Variants in ZC3H4 observed in about 807,000 individuals in gnomAD.
ZC3H4 encodes the protein zinc finger CCCH domain-containing protein 4.
In ZC3H4, 13 loss-of-function variants were observed where a neutral mutation model predicts 108.3. The ratio of observed to expected loss-of-function variants is 0.12; its 90% CI spans 0.08 to 0.19. ZC3H4 has a LOEUF of 0.19. ZC3H4 is among the 10% of genes least tolerant of loss of function. ZC3H4 has a pLI of 1.00. For synonymous variants in ZC3H4, 917 were observed against 749.6 expected, an observed-to-expected ratio of 1.22 and a Z score of -3.65; for missense variants, 1,734 against 1,838.8, an observed-to-expected ratio of 0.94 and a Z score of 1.04.
intron 8 of ZC3H4, among the ~76,000 whole-genome samples, chr19:47,084,823 A>C (rs542435558): frequency 1.3e-5 from 2 of 152,208 alleles, no homozygotes; most frequent in Non-Finnish European, 2.9e-5. Flanking sequence ...GAGATGTGTT[A>C]GGTATGGCTG....
intron 11 of ZC3H4, among the ~76,000 whole-genome samples, chr19:47,076,849 C>T (rs575228045): frequency 2.0e-5 from 3 of 152,016 alleles, no homozygotes; most frequent in East Asian, 1.9e-4. Flanking sequence ...AAAAATTAGC[C>T]GGGCGTGGTG....
chr19:47,070,442 C>A (rs190125607), intron 13 of ZC3H4, among the ~76,000 whole-genome samples: 69 of 152,276 alleles, frequency 4.5e-4, no homozygotes, highest in African/African-American at 1.6e-3. Flanking sequence ...AATGACCATA[C>A]ATGTTAGAGG....
intron 2 of ZC3H4, 101 bp downstream of exon 2, chr19:47,112,323 C>T: frequency 8.5e-7 from 1 of 1,173,568 alleles, no homozygotes; most frequent in Non-Finnish European, 1.1e-6. Context: ...CCTCCTCCTC[C>T]TCCTCCTCCG....
At chr19:47,090,839 C>T (rs1217983700) in intron 4 of ZC3H4, among the ~76,000 whole-genome samples, 1 of 152,154 alleles carries the variant, frequency 6.6e-6, no homozygotes, top group Non-Finnish European at 1.5e-5. Flanking sequence ...CTCATCAATT[C>T]TAACAAAGTT....
chr19:47,112,214 G>C (rs959098098), intron 2 of ZC3H4: 4 of 1,159,376 alleles, frequency 3.5e-6, no homozygotes, highest in South Asian at 4.3e-5. Flanking sequence ...AGCGCCGCGA[G>C]GGGGGGGAAA....
At chr19:47,088,909 T>C (rs1311458720) in intron 5 of ZC3H4, among the ~76,000 whole-genome samples, 1 of 151,898 alleles carries the variant, frequency 6.6e-6, no homozygotes, top group Non-Finnish European at 1.5e-5. Context: ...CAAGAAAGAC[T>C]GCTAGAAGAA....
At chr19:47,076,818 C>T (rs1165148727) in intron 11 of ZC3H4, among the ~76,000 whole-genome samples, 1 of 152,092 alleles carries the variant, frequency 6.6e-6, no homozygotes, top group Non-Finnish European at 1.5e-5. Context: ...CATGGTGAAA[C>T]CCTGTCTCTA....
intron 2 of ZC3H4, among the ~76,000 whole-genome samples, chr19:47,099,678 C>A (rs562277107): frequency 1.2e-3 from 183 of 151,954 alleles, no homozygotes; most frequent in African/African-American, 4.2e-3. Context: ...GACAAAAAGG[C>A]GTAGGGAGAG....
intron 11 of ZC3H4, among the ~76,000 whole-genome samples, chr19:47,076,325 G>GCACACA (rs10531908): frequency 4.6e-4 from 70 of 151,146 alleles, no homozygotes; most frequent in Middle Eastern, 3.4e-3. Context: ...GCGCGCGCGC[G>GCACACA]CACACACACA....
At chr19:47,074,455 A>C (rs1227294669) in intron 11 of ZC3H4, among the ~76,000 whole-genome samples, 1 of 152,188 alleles carries the variant, frequency 6.6e-6, no homozygotes, top group Non-Finnish European at 1.5e-5. Context: ...CTGGACTAGA[A>C]TGTCTCATCA....
chr19:47,097,691 CAG>C (rs2057844445), intron 2 of ZC3H4, among the ~76,000 whole-genome samples: 1 of 152,182 alleles, frequency 6.6e-6, no homozygotes, highest in African/African-American at 2.4e-5. Flanking sequence ...AAATCCGTGT[CAG>C]AGTGGGATTA....
Position 47,084,427 on chromosome 19 carries a change from C to A in ZC3H4, c.1136G>T (p.Arg379Leu), listed in dbSNP as rs767093518. 8.7e-6 allele frequency: 14 copies of A among 1,614,076 alleles called. No homozygotes were observed. Among genetic ancestry groups the A allele is most frequent in the Non-Finnish European group, 4.2e-6 (5 of 1,180,050 alleles). The change falls in exon 9 of 15, where the codon CGT becomes CTT. Residue 379 changes from arginine (R) to leucine (L), a missense_variant. Arg to Leu is a moderately radical substitution (Grantham distance 102, BLOSUM62 -2). Coordinates refer to ENST00000253048, the MANE Select transcript of ZC3H4 (RefSeq NM_015168.2). ...GDGGGGSYRS[R>L]DHDKPHQQSD... The stretch of plus-strand genomic sequence containing the variant: ...CTGCTGGTGGGGCTTGTCATGGTCA[C>A]GACTCCGGTAGCTTCCACCACCACC...
chr19:47,096,101 A>G (rs1396592715), intron 2 of ZC3H4, among the ~76,000 whole-genome samples: 1 of 152,198 alleles, frequency 6.6e-6, no homozygotes, highest in Non-Finnish European at 1.5e-5. Context: ...CCAAACATCA[A>G]GGAGCGCCTC....
At position 47,072,736 on chromosome 19, in the gene ZC3H4, G is replaced by A; in HGVS notation, c.1441-23C>T. ...CATCTGCGGGTGTGAAAGAACAAAA[G>A]AAGGTGTGGACGGGGTCAGGATGGA... On this transcript the variant is annotated intron_variant, in intron 11 of 14. Coordinates refer to ENST00000253048, the MANE Select transcript of ZC3H4 (RefSeq NM_015168.2). This position sits in a 1 kb window ranked among gnomAD's most constrained non-coding sequence, Gnocchi z 5.6. The A allele has an allele frequency of 6.2e-7, 1 of 1,612,272 alleles. No individual in the cohort carries two copies. Among genetic ancestry groups the A allele is most frequent in the African/African-American group, 1.3e-5 (1 of 75,042 alleles).
In ZC3H4 at chr19:47,071,825, T is replaced by C; in HGVS notation, c.2099A>G (p.Gln700Arg). Residue 700 changes from glutamine to arginine, a missense_variant, in exon 13 of 15, where the codon CAG becomes CGG. Around this residue, in one of 9 missense-constraint regions of ZC3H4, gnomAD observed 540 missense variants for 484.1 expected, o/e 1.12. Coordinates refer to ENST00000253048, the MANE Select transcript of ZC3H4 (RefSeq NM_015168.2). ...PAQNFYENFYQQQEGMEMEPG... is the reference protein window; with the variant it reads ...PAQNFYENFYRQQEGMEMEPG... ...CTCCATCTCCATGCCCTCCTGCTGC[T>C]GGTAGAAGTTTTCATAGAAGTTCTG... 1 of 1,613,568 alleles carries C rather than the reference T, an allele frequency of 6.2e-7. No homozygotes were observed. The highest frequency in any genetic ancestry group is 1.1e-5 in the South Asian group (1 of 91,032).
chr19:47,093,910 A>C (rs1479411330), intron 4 of ZC3H4, 60 bp downstream of exon 4: 22 of 1,473,080 alleles, frequency 1.5e-5, no homozygotes, highest in Non-Finnish European at 1.9e-5. Context: ...GTGCTCAAGA[A>C]ACACAAGCAG....
At position 47,093,971 on chromosome 19, in the gene ZC3H4, G is replaced by A. The variant is rs200098185; in HGVS notation, c.491C>T (p.Pro164Leu). The change falls in exon 4 of 15, where the codon CCG becomes CTG. Residue 164 changes from proline (P) to leucine (L), a missense_variant and splice_region_variant. This residue lies in a region of ZC3H4 where 403 missense variants were observed against 457.0 expected (regional missense o/e 0.88). Transcript: ENST00000253048. ...KYREYSPPYA[P>L]SHQQYPPSHA... ...CAGCAGTGCATGCCAGTCACTCACC[G>A]GCGCATATGGGGGGCTGTACTCTCT... 6.6e-4 allele frequency: 1,060 copies of A among 1,612,378 alleles called. 2 individuals are homozygous for A. Among genetic ancestry groups the A allele is most frequent in the South Asian group, 1.2e-3 (109 of 91,028 alleles).
At chr19:47,090,617 T>C (rs1336695975) in intron 4 of ZC3H4, among the ~76,000 whole-genome samples, 1 of 152,176 alleles carries the variant, frequency 6.6e-6, no homozygotes, top group Non-Finnish European at 1.5e-5. Flanking sequence ...CAAATGATGC[T>C]TTCCAAAGTG....
intron 11 of ZC3H4, among the ~76,000 whole-genome samples, chr19:47,076,901 G>A (rs1450451420): frequency 6.6e-6 from 1 of 152,136 alleles, no homozygotes; most frequent in Non-Finnish European, 1.5e-5. Flanking sequence ...GCTGAGGCAG[G>A]AGAATCGCTT....
Sources: allele counts gnomAD v4.1 joint callset (sites outside exome capture counted in the v4.1 genomes callset), GRCh38; gene constraint gnomAD v4.1.1; regional missense constraint gnomAD v4.1.1; non-coding constraint Gnocchi (gnomAD v3.1); transcripts MANE v1.5; gene names NCBI Gene and HGNC (gene_info 2026-07-23, HGNC 2026-07-21).